EPHA6: variants seen among roughly 807,000 people sequenced by gnomAD.
EPHA6 encodes ephrin type-A receptor 6.
A neutral mutation model predicts 112.0 loss-of-function variants in EPHA6; 50 were observed. The ratio of observed to expected loss-of-function variants is 0.45; its 90% confidence interval spans 0.36 to 0.56. EPHA6 has a LOEUF of 0.56. Among genes scored for constraint, EPHA6 ranks in the 20% least tolerant of loss-of-function variants. EPHA6 has a pLI of 0.00. For synonymous variants in EPHA6, 529 were observed against 490.7 expected, an observed-to-expected ratio of 1.08 and a Z score of -1.03; for missense variants, 1,280 against 1,417.4, an observed-to-expected ratio of 0.90 and a Z score of 1.56.
intron 3 of EPHA6, among the ~76,000 whole-genome samples, chr3:97,047,515 A>AG (rs2045552234): frequency 2.0e-5 from 3 of 150,632 alleles, no homozygotes; most frequent in African/African-American, 7.3e-5. Context: ...AAAAAAAAAA[A>AG]AAAAAAGAAA....
intron 3 of EPHA6, among the ~76,000 whole-genome samples, chr3:97,063,300 C>T (rs901950300): frequency 4.6e-5 from 7 of 152,024 alleles, no homozygotes; most frequent in Admixed American, 3.3e-4. Context: ...TGGAATTAAC[C>T]CAAATCCCCA....
intron 5 of EPHA6, among the ~76,000 whole-genome samples, chr3:97,258,636 CT>C (rs1223403922): frequency 6.6e-6 from 1 of 152,004 alleles, no homozygotes; most frequent in Non-Finnish European, 1.5e-5. Flanking sequence ...TATTTTTTTC[CT>C]GTTGAAATGA....
intron 16 of EPHA6, among the ~76,000 whole-genome samples, chr3:97,740,827 A>G (rs1010206136): frequency 1.3e-5 from 2 of 152,186 alleles, no homozygotes; most frequent in South Asian, 2.1e-4. Flanking sequence ...CCACATAGGC[A>G]ATACATAATC....
At chr3:96,856,086 A>C (rs2035679852) in intron 1 of EPHA6, among the ~76,000 whole-genome samples, 2 of 152,096 alleles carry the variant, frequency 1.3e-5, no homozygotes, top group Non-Finnish European at 2.9e-5. Flanking sequence ...AAAAAAGTGC[A>C]AACATTAGCC....
At chr3:97,192,053 AT>A (rs1159631136) in intron 3 of EPHA6, among the ~76,000 whole-genome samples, 4 of 152,138 alleles carry the variant, frequency 2.6e-5, no homozygotes, top group Admixed American at 2.6e-4. Flanking sequence ...ATCTTATTGT[AT>A]TTTTGATTTG....
At chr3:96,860,319 CAA>C (rs1189466636) in intron 1 of EPHA6, among the ~76,000 whole-genome samples, 6 of 151,888 alleles carry the variant, frequency 4.0e-5, no homozygotes, top group South Asian at 2.1e-4. Flanking sequence ...TTCACAGACT[CAA>C]AGTTATTTTT....
rs113191331 is a variant in EPHA6 at position 97,554,039 on chromosome 3, G to A, written c.2386+21496G>A. 4.9e-3 allele frequency among the ~76,000 whole-genome samples: 751 copies of A among 152,264 alleles called. 7 individuals are homozygous for A. Among genetic ancestry groups the A allele is most frequent in the African/African-American group, 0.017 (718 of 41,554 alleles). On this transcript the variant is annotated intron_variant, in intron 11 of 17. Transcript: ENST00000389672. Reference sequence around the variant, plus strand: ...AAAGTCAAATATTTTATGAAAGAAAGTACATTATTAACAGCAACAACTTAG... The same window carrying A: ...AAAGTCAAATATTTTATGAAAGAAAATACATTATTAACAGCAACAACTTAG...
chr3:97,493,162 G>A (rs1295545195), intron 10 of EPHA6, among the ~76,000 whole-genome samples: 1 of 152,046 alleles, frequency 6.6e-6, no homozygotes, highest in East Asian at 1.9e-4. Context: ...GTATGTGTGT[G>A]TGTATGTATA....
intron 1 of EPHA6, among the ~76,000 whole-genome samples, chr3:96,829,941 G>A (rs925219003): frequency 1.5e-4 from 15 of 99,412 alleles, no homozygotes; most frequent in Non-Finnish European, 2.4e-4. Context: ...GTGCATGTGC[G>A]CGCGCGCGCA....
At chr3:97,337,900 A>T (rs979774673) in intron 5 of EPHA6, among the ~76,000 whole-genome samples, 2 of 152,138 alleles carry the variant, frequency 1.3e-5, no homozygotes, top group African/African-American at 2.4e-5. Flanking sequence ...TGGGTGGAGG[A>T]TGTAGCAATT....
intron 3 of EPHA6, among the ~76,000 whole-genome samples, chr3:97,056,668 T>C (rs989383849): frequency 2.6e-5 from 4 of 152,158 alleles, no homozygotes; most frequent in Admixed American, 6.6e-5. Flanking sequence ...CCCTTATCAG[T>C]AGTGCATATG....
intron 3 of EPHA6, among the ~76,000 whole-genome samples, chr3:97,088,706 T>A (rs1423017951): frequency 3.3e-5 from 5 of 152,150 alleles, no homozygotes; most frequent in African/African-American, 4.8e-5. Flanking sequence ...AGTGCCTGCC[T>A]GGGAGAGGAC....
chr3:97,218,139 T>G (rs940115832), intron 3 of EPHA6, among the ~76,000 whole-genome samples: 1 of 151,894 alleles, frequency 6.6e-6, no homozygotes, highest in African/African-American at 2.4e-5. Flanking sequence ...GGCATGGTGG[T>G]GCATGCCTGT....
At chr3:97,736,766 A>T (rs894910717) in intron 16 of EPHA6, among the ~76,000 whole-genome samples, 1 of 152,006 alleles carries the variant, frequency 6.6e-6, no homozygotes, top group African/African-American at 2.4e-5. Flanking sequence ...GTGAAGAGCA[A>T]TTATAAGAGG....
intron 14 of EPHA6, among the ~76,000 whole-genome samples, chr3:97,702,158 T>G (rs191134134): frequency 2.0e-5 from 3 of 152,342 alleles, no homozygotes; most frequent in Admixed American, 2.0e-4. Flanking sequence ...TTCAGAAATA[T>G]TCACTCCCCT....
chr3:97,480,572 C>T (rs1238735485), intron 9 of EPHA6, among the ~76,000 whole-genome samples: 7 of 152,168 alleles, frequency 4.6e-5, no homozygotes, highest in African/African-American at 1.7e-4. Flanking sequence ...TTAACAGCAT[C>T]CCAAGGCAGA....
At chr3:97,710,840 A>C (rs983438477) in intron 14 of EPHA6, among the ~76,000 whole-genome samples, 6 of 152,224 alleles carry the variant, frequency 3.9e-5, no homozygotes, top group Non-Finnish European at 7.3e-5. Flanking sequence ...AGTACTATTC[A>C]AGTTTTCCAT....
intron 3 of EPHA6, among the ~76,000 whole-genome samples, chr3:97,207,322 G>C (rs1397598703): frequency 6.6e-6 from 1 of 152,070 alleles, no homozygotes; most frequent in African/African-American, 2.4e-5. Context: ...GCAAAGTACG[G>C]TCTTAGAGTA....
intron 3 of EPHA6, among the ~76,000 whole-genome samples, chr3:97,087,228 C>T (rs1440314364): frequency 2.0e-5 from 3 of 152,090 alleles, no homozygotes; most frequent in Non-Finnish European, 4.4e-5. Context: ...CATGGAGCCT[C>T]CTCTGTTCTC....
Sources: allele counts gnomAD v4.1 joint callset (sites outside exome capture counted in the v4.1 genomes callset), GRCh38; gene constraint gnomAD v4.1.1; transcripts MANE v1.5; gene names NCBI Gene and HGNC (gene_info 2026-07-23, HGNC 2026-07-21).